Variants in DPYD observed in about 807,000 individuals in gnomAD.
The protein encoded by DPYD is dihydropyrimidine dehydrogenase.
DPYD carries 109 observed loss-of-function variants against 116.2 expected under a neutral mutation model. That is an observed-to-expected ratio of 0.94 (90% CI 0.80 to 1.10). DPYD has a LOEUF of 1.10. DPYD is among the 50% of genes least tolerant of loss of function. DPYD has a pLI of 0.00. For missense variants in DPYD, 1,302 were observed against 1,254.5 expected (o/e 1.04, Z -0.57); for synonymous variants, 440 against 432.0 (o/e 1.02, Z -0.23).
chr1:97,627,200 C>T (rs759911903), intron 8 of DPYD, among the ~76,000 whole-genome samples: 8 of 152,008 alleles, frequency 5.3e-5, no homozygotes, highest in Admixed American at 1.3e-4. Context: ...TTTAGGGAGA[C>T]ATAAACAGTC....
intron 18 of DPYD, among the ~76,000 whole-genome samples, chr1:97,286,458 T>A (rs377420010): frequency 6.6e-6 from 1 of 152,024 alleles, no homozygotes; most frequent in Non-Finnish European, 1.5e-5. Flanking sequence ...TGAATCTGAA[T>A]GTTGGCCTGC....
At chr1:97,092,739 A>T (rs1189852055) in intron 21 of DPYD, among the ~76,000 whole-genome samples, 1 of 151,286 alleles carries the variant, frequency 6.6e-6, no homozygotes, top group Non-Finnish European at 1.5e-5. Flanking sequence ...TACACCCCAA[A>T]CTCCCCTCAA....
Position 97,721,377 on chromosome 1 carries a change from T to C in DPYD, c.483+133A>G, listed in dbSNP as rs531296590. The C allele has an allele frequency of 2.0e-5, 22 of 1,109,194 alleles. No homozygotes were observed. In the African/African-American group the frequency reaches 2.7e-4, roughly 13 times the overall value. The allele number at this position is 1,109,194 out of a possible 1,614,324, so 68.7% of individuals were successfully genotyped here. A position where few individuals can be genotyped will look rare whatever the true frequency, so the allele number is the denominator to read the frequency against. On this transcript the variant is annotated intron_variant, in intron 5 of 22. Transcript: ENST00000370192. ...TGCTGAATAAAAATAAAGTTTGTTG[T>C]ACAAAACATACTTGAGCTGTGTGTC...
intron 13 of DPYD, among the ~76,000 whole-genome samples, chr1:97,476,371 A>G (rs747777340): frequency 1.3e-5 from 2 of 152,236 alleles, no homozygotes; most frequent in Non-Finnish European, 2.9e-5. Flanking sequence ...CCCCTTTAGT[A>G]GAAAATGATA....
intron 20 of DPYD, among the ~76,000 whole-genome samples, chr1:97,100,413 C>T (rs1032673100): frequency 6.6e-6 from 1 of 151,980 alleles, no homozygotes; most frequent in Non-Finnish European, 1.5e-5. Context: ...TTCTCTTATA[C>T]CTCAGGGGCA....
chr1:97,087,868 AT>A (rs1365759104), intron 21 of DPYD, among the ~76,000 whole-genome samples: 1 of 152,198 alleles, frequency 6.6e-6, no homozygotes, highest in Non-Finnish European at 1.5e-5. Flanking sequence ...CTCTCTAATT[AT>A]AATTTAACAG....
intron 3 of DPYD, among the ~76,000 whole-genome samples, chr1:97,783,614 C>T (rs1206446405): frequency 1.3e-5 from 2 of 152,112 alleles, no homozygotes; most frequent in Admixed American, 6.5e-5. Flanking sequence ...TGGTCTTGAA[C>T]TTCTGACTTC....
intron 4 of DPYD, among the ~76,000 whole-genome samples, chr1:97,727,616 G>A (rs1272017639): frequency 6.6e-6 from 1 of 151,708 alleles, no homozygotes; most frequent in Non-Finnish European, 1.5e-5. Flanking sequence ...AAAGAAGCAT[G>A]ATTTTGAAAA....
chr1:97,195,634 GTATATATATATATATATATATATATATA>G (rs71071637), intron 19 of DPYD, among the ~76,000 whole-genome samples: 1,837 of 57,694 alleles, frequency 0.032, 72 homozygotes, highest in Middle Eastern at 0.11. Flanking sequence ...ATATGTATGT[GTATATATATATATATATATATATATATA>G]TATATATATA....
At chr1:97,767,726 T>C (rs1665939621) in intron 3 of DPYD, among the ~76,000 whole-genome samples, 1 of 151,392 alleles carries the variant, frequency 6.6e-6, no homozygotes, top group Non-Finnish European at 1.5e-5. Context: ...TACATGTTTA[T>C]TATTTGAAGC....
chr1:97,508,998 A>G (rs1647572980), intron 13 of DPYD, among the ~76,000 whole-genome samples: 1 of 151,930 alleles, frequency 6.6e-6, no homozygotes, highest in Non-Finnish European at 1.5e-5. Flanking sequence ...TACAGGCCTA[A>G]TCACGTCAGC....
intron 14 of DPYD, among the ~76,000 whole-genome samples, chr1:97,418,293 T>C (rs1199536112): frequency 2.0e-5 from 3 of 147,260 alleles, no homozygotes; most frequent in African/African-American, 7.5e-5. Flanking sequence ...CTAATTGAGA[T>C]AGATATAAGA....
rs1672325145 is a variant in DPYD at position 97,883,373 on chromosome 1, C to A, written c.41G>T (p.Ser14Ile). ...TGTTCGAGGATTTAAAGCCAGGATACTCTAAAGACAGCATAAACAATGTGT... is the reference window on the plus strand; with the variant it reads ...TGTTCGAGGATTTAAAGCCAGGATAATCTAAAGACAGCATAAACAATGTGT... ...VLSKDSADIE[S>I]ILALNPRTQT... The change falls in exon 2 of 23, where the codon AGT (serine) becomes ATT (isoleucine). Residue 14 changes from serine to isoleucine, a missense_variant and splice_region_variant. Coordinates refer to ENST00000370192, the MANE Select transcript of DPYD (RefSeq NM_000110.4). 2 of 1,589,682 alleles carry A rather than the reference C, an allele frequency of 1.3e-6. No homozygotes were observed. The highest frequency in any genetic ancestry group is 1.7e-6 in the Non-Finnish European group (2 of 1,158,078).
chr1:97,714,435 A>G (rs1426097228), intron 5 of DPYD, among the ~76,000 whole-genome samples: 3 of 151,646 alleles, frequency 2.0e-5, no homozygotes, highest in East Asian at 1.9e-4. Flanking sequence ...GATGGTCTTG[A>G]TTTGACCTTG....
rs557920830 is a variant in DPYD at position 97,387,285 on chromosome 1, T to C, written c.1906-4824A>G. On this transcript the variant is annotated intron_variant, in intron 14 of 22. Transcript: ENST00000370192. ...ATTAATAAGCAAATTGAGCATCTAA[T>C]ATAAGAGGAATTAAATGGCACACAA... Among the ~76,000 whole-genome samples, 9 of 152,182 alleles carry C rather than the reference T, an allele frequency of 5.9e-5. No individual in the cohort carries two copies. In the South Asian group the frequency reaches 1.7e-3, roughly 28 times the overall value.
chr1:97,756,072 T>G (rs1665212045), intron 3 of DPYD, among the ~76,000 whole-genome samples: 1 of 152,080 alleles, frequency 6.6e-6, no homozygotes, highest in African/African-American at 2.4e-5. Context: ...AGCTGCTCAA[T>G]AAATGTTAAC....
At chr1:97,881,044 T>A (rs1018095719) in intron 2 of DPYD, among the ~76,000 whole-genome samples, 2 of 152,050 alleles carry the variant, frequency 1.3e-5, no homozygotes, top group African/African-American at 4.8e-5. Flanking sequence ...TTCCTTCAGA[T>A]ATGTTATTAG....
Position 97,235,090 on chromosome 1 carries a change from C to T in DPYD, c.2300-96G>A, listed in dbSNP as rs572809175. 2.1e-5 allele frequency: 30 copies of T among 1,454,458 alleles called. No homozygotes were observed. The African/African-American group carries it at 3.7e-4, about 18-fold the overall frequency. The allele number at this position is 1,454,458 out of a possible 1,614,324, so 90.1% of individuals were successfully genotyped here. A position where few individuals can be genotyped will look rare whatever the true frequency, so the allele number is the denominator to read the frequency against. ...TTACTATGATGTGATGACAGCGTCACTGGACAAATTTCAAATTACTTTATC... is the reference window on the plus strand; with the variant it reads ...TTACTATGATGTGATGACAGCGTCATTGGACAAATTTCAAATTACTTTATC... On this transcript the variant is annotated intron_variant, in intron 18 of 22. Coordinates refer to ENST00000370192, the MANE Select transcript of DPYD (RefSeq NM_000110.4).
chr1:97,754,992 T>A (rs1665149739), intron 3 of DPYD, among the ~76,000 whole-genome samples: 1 of 152,198 alleles, frequency 6.6e-6, no homozygotes, highest in Admixed American at 6.5e-5. Flanking sequence ...ACAGGCCAAG[T>A]AACACATGGC....
Sources: gnomAD v4.1 joint callset for allele counts (sites outside exome capture counted in the v4.1 genomes callset) on GRCh38, gnomAD v4.1.1 for gene constraint, MANE v1.5 for transcripts, NCBI Gene and HGNC (gene_info 2026-07-23, HGNC 2026-07-21) for gene names.